OR13H1: variants seen among roughly 807,000 people sequenced by gnomAD.
OR13H1 encodes olfactory receptor family 13 subfamily H member 1.
OR13H1 carries 9 observed loss-of-function variants against 8.5 expected under a neutral mutation model. The observed-to-expected ratio is 1.06, with a 90% CI of 0.64 to 1.85. OR13H1 has a LOEUF of 1.85. OR13H1 is among the 40% of genes most tolerant of loss of function. The probability of loss-of-function intolerance (pLI) is 0.00; values close to 1 mark genes in which losing one functional copy is unlikely to be tolerated. For missense variants in OR13H1, 229 were observed against 231.8 expected (o/e 0.99, Z 0.08); for synonymous variants, 89 against 90.6 (o/e 0.98, Z 0.10).
rs1035083047 is a variant in OR13H1 at position 131,544,631 on chromosome X, G to A, written c.558G>A (p.Leu186=). The A allele has an allele frequency of 8.3e-7, 1 of 1,207,275 alleles. No individual in the cohort carries two copies. The highest frequency in any genetic ancestry group is 1.1e-6 in the Non-Finnish European group (1 of 891,632). Reference sequence around the variant, plus strand: ...GTGAGATTCTCTCCCTCATTAAGCTGACCTGTTCTGATACCAGCCTCAATG... The same window carrying A: ...GTGAGATTCTCTCCCTCATTAAGCTAACCTGTTCTGATACCAGCCTCAATG... ...FACEILSLIK[L]TCSDTSLNEF... is the part of the protein sequence containing the mutation. Residue 186 remains leucine, a synonymous_variant, in exon 1 of 1, where the codon CTG becomes CTA. Coordinates refer to ENST00000338616, the MANE Select transcript of OR13H1 (RefSeq NM_001004486.1).
chrX:131,544,780 C>T lies in OR13H1; in HGVS notation c.707C>T (p.Ala236Val). The change falls in exon 1 of 1, where the codon GCC (alanine) becomes GTC (valine). Residue 236 changes from alanine to valine, a missense_variant. By Grantham distance (64) the Ala-to-Val change is moderately conservative. Transcript: ENST00000338616. ...RIRSLQGRLK[A>V]FTTCGSHLTV... ...CGCTCACTCCAGGGCAGGCTCAAGG[C>T]CTTTACCACATGTGGCTCTCACCTG... is the stretch of plus-strand genomic sequence containing the variant. 1.7e-6 allele frequency: 2 copies of T among 1,209,274 alleles called. No homozygotes were observed. The highest frequency in any genetic ancestry group is 2.2e-5 in the Admixed American group (1 of 45,982).
rs747623960 is a variant in OR13H1, at chrX:131,544,122, A to G, written c.49A>G (p.Ile17Val). 2 of 1,199,082 alleles carry G rather than the reference A, an allele frequency of 1.7e-6. No individual in the cohort carries two copies. Among genetic ancestry groups the G allele is most frequent in the Middle Eastern group, 2.3e-4 (1 of 4,307 alleles). Residue 17 changes from isoleucine (I) to valine (V), a missense_variant, in exon 1 of 1, where the codon ATT becomes GTT. Physicochemically the swap from Ile to Val is conservative, Grantham distance 29 (BLOSUM62 3). Coordinates refer to ENST00000338616, the MANE Select transcript of OR13H1 (RefSeq NM_001004486.1). Reference sequence around the variant, plus strand: ...AGTGTTTCAGTTTCTCCTTATTGGCATTTCTAACTATCCTCAATGGAGAGA... The same window carrying G: ...AGTGTTTCAGTTTCTCCTTATTGGCGTTTCTAACTATCCTCAATGGAGAGA... ...TAVFQFLLIG[I>V]SNYPQWRDTF...
chrX:131,544,202 A>G lies in OR13H1; in HGVS notation c.129A>G (p.Gly43=), dbSNP rs1379321469. 1 of 1,208,628 alleles carries G rather than the reference A, an allele frequency of 8.3e-7. No individual in the cohort carries two copies. The highest frequency in any genetic ancestry group is 1.8e-5 in the South Asian group (1 of 56,890). ...IIYLSTLLGN[G]FMIFLIHFDP... ...ACCTCAGCACATTGTTGGGGAATGGATTTATGATCTTTCTTATTCACTTTG... is the reference window on the plus strand; with the variant it reads ...ACCTCAGCACATTGTTGGGGAATGGGTTTATGATCTTTCTTATTCACTTTG... The change falls in exon 1 of 1, where the codon GGA becomes GGG. Residue 43 remains glycine (G), a synonymous_variant. Coordinates refer to ENST00000338616, the MANE Select transcript of OR13H1 (RefSeq NM_001004486.1).
chrX:131,544,798 C>T lies in OR13H1; in HGVS notation c.725C>T (p.Ser242Phe). The T allele has an allele frequency of 1.7e-6, 2 of 1,210,479 alleles. No individual in the cohort carries two copies. The highest frequency in any genetic ancestry group is 2.2e-6 in the Non-Finnish European group (2 of 894,619). ...CTCAAGGCCTTTACCACATGTGGCTCTCACCTGACCGTGGTGACAATCTTC... is the reference window on the plus strand; with the variant it reads ...CTCAAGGCCTTTACCACATGTGGCTTTCACCTGACCGTGGTGACAATCTTC... ...GRLKAFTTCG[S>F]HLTVVTIFYG... The change falls in exon 1 of 1, where the codon TCT becomes TTT. Residue 242 changes from serine (S) to phenylalanine (F), a missense_variant. Transcript: ENST00000338616.
rs1928198315 is a variant in OR13H1, at chrX:131,544,315, C to T, written c.242C>T (p.Ala81Val). 1 of 1,207,069 alleles carries T rather than the reference C, an allele frequency of 8.3e-7. No individual in the cohort carries two copies. The highest frequency in any genetic ancestry group is 1.8e-5 in the African/African-American group (1 of 57,112). Reference protein sequence around the residue: ...LCYGTASMPQALVHCFSTHPY... With the variant: ...LCYGTASMPQVLVHCFSTHPY... ...TATGGAACAGCTTCCATGCCCCAGG[C>T]TTTGGTGCATTGTTTCTCTACCCAT... Residue 81 changes from alanine (A) to valine (V), a missense_variant, in exon 1 of 1, where the codon GCT (alanine) becomes GTT (valine). Physicochemically the swap from Ala to Val is moderately conservative, Grantham distance 64. Coordinates refer to ENST00000338616, the MANE Select transcript of OR13H1 (RefSeq NM_001004486.1).
In OR13H1 at chrX:131,544,679, T is replaced by C; in HGVS notation, c.606T>C (p.Ser202=). ...SLNEFMILIT[S]IFTLLLPFGF... is the part of the protein sequence containing the mutation. ...ATGAATTTATGATCCTCATCACCAG[T>C]ATCTTCACCCTGCTGCTACCATTTG... The change falls in exon 1 of 1, where the codon AGT becomes AGC. Residue 202 remains serine, a synonymous_variant. Coordinates refer to ENST00000338616, the MANE Select transcript of OR13H1 (RefSeq NM_001004486.1). 2.5e-6 allele frequency: 3 copies of C among 1,209,539 alleles called. No homozygotes were observed. The highest frequency in any genetic ancestry group is 2.3e-4 in the Middle Eastern group (1 of 4,347).
Position 131,544,941 on chromosome X carries a change from A to G in OR13H1, c.868A>G (p.Ser290Gly). The G allele has an allele frequency of 8.3e-7, 1 of 1,206,291 alleles. No individual in the cohort carries two copies. Among genetic ancestry groups the G allele is most frequent in the South Asian group, 1.8e-5 (1 of 55,379 alleles). ...ACCCATGTTGAACCCCCTGATATAT[A>G]GCCTGAGAAAAAAAGATGTTAAACG... is the stretch of plus-strand genomic sequence containing the variant. Reference protein sequence around the residue: ...LTPMLNPLIYSLRKKDVKRAI... With the variant: ...LTPMLNPLIYGLRKKDVKRAI... The change falls in exon 1 of 1, where the codon AGC becomes GGC. Residue 290 changes from serine (S) to glycine (G), a missense_variant. By Grantham distance (56) the Ser-to-Gly change is moderately conservative (BLOSUM62 0). Coordinates refer to ENST00000338616, the MANE Select transcript of OR13H1 (RefSeq NM_001004486.1).
rs1452197026 is a variant in OR13H1, at chrX:131,544,139, A to G, written c.66A>G (p.Gln22=). ...FLLIGISNYP[Q]WRDTFFTLVL... ...TTATTGGCATTTCTAACTATCCTCA[A>G]TGGAGAGACACGTTTTTCACATTAG... The change falls in exon 1 of 1, where the codon CAA becomes CAG. Residue 22 remains glutamine, a synonymous_variant. Coordinates refer to ENST00000338616, the MANE Select transcript of OR13H1 (RefSeq NM_001004486.1). 8.3e-7 allele frequency: 1 copy of G among 1,202,092 alleles called. No individual in the cohort carries two copies. The highest frequency in any genetic ancestry group is 1.8e-5 in the South Asian group (1 of 56,462).
chrX:131,544,162 T>G lies in OR13H1; in HGVS notation c.89T>G (p.Leu30Ter). 7 of 1,202,626 alleles carry G rather than the reference T, an allele frequency of 5.8e-6. No individual in the cohort carries two copies. Among genetic ancestry groups the G allele is most frequent in the Non-Finnish European group, 7.9e-6 (7 of 887,003 alleles). Reference sequence around the variant, plus strand: ...CAATGGAGAGACACGTTTTTCACATTAGTGCTGATAATTTACCTCAGCACA... The same window carrying G: ...CAATGGAGAGACACGTTTTTCACATGAGTGCTGATAATTTACCTCAGCACA... ...YPQWRDTFFT[L>*]VLIIYLSTLL... Residue 30 changes from leucine (L) to a stop codon, truncating the protein, a stop_gained, in exon 1 of 1, where the codon TTA becomes TGA. Transcript: ENST00000338616. LOFTEE classifies it high-confidence loss of function.
At position 131,544,767 on chromosome X, in the gene OR13H1, G is replaced by A. The variant is rs747045218; in HGVS notation, c.694G>A (p.Gly232Ser). ...TATCATAAGGATTCGCTCACTCCAG[G>A]GCAGGCTCAAGGCCTTTACCACATG... ...MAIIRIRSLQ[G>S]RLKAFTTCGS... The change falls in exon 1 of 1, where the codon GGC becomes AGC. Residue 232 changes from glycine to serine, a missense_variant. By Grantham distance (56) the Gly-to-Ser change is moderately conservative. Transcript: ENST00000338616. 2.5e-6 allele frequency: 3 copies of A among 1,210,119 alleles called. No individual in the cohort carries two copies. Among genetic ancestry groups the A allele is most frequent in the South Asian group, 1.8e-5 (1 of 56,876 alleles).
In OR13H1 at chrX:131,544,433, T is replaced by C. The variant is rs376648153; in HGVS notation, c.360T>C (p.Tyr120=). The C allele has an allele frequency of 8.3e-7, 1 of 1,211,587 alleles. No individual in the cohort carries two copies. The change falls in exon 1 of 1, where the codon TAT becomes TAC. Residue 120 remains tyrosine, a synonymous_variant. Transcript: ENST00000338616. Reference sequence around the variant, plus strand: ...GCCTCCTACTGGCTGCCATGGCCTATGACCGTGTGGTTGCTATCAGCAATC... The same window carrying C: ...GCCTCCTACTGGCTGCCATGGCCTACGACCGTGTGGTTGCTATCAGCAATC... ...AECLLLAAMA[Y]DRVVAISNPL...
chrX:131,544,692 C>T lies in OR13H1; in HGVS notation c.619C>T (p.Leu207=). 1 of 1,209,984 alleles carries T rather than the reference C, an allele frequency of 8.3e-7. No homozygotes were observed. The highest frequency in any genetic ancestry group is 1.1e-6 in the Non-Finnish European group (1 of 893,853). ...CCTCATCACCAGTATCTTCACCCTG[C>T]TGCTACCATTTGGGTTTGTTCTCCT... is the stretch of plus-strand genomic sequence containing the variant. ...MILITSIFTL[L]LPFGFVLLSY... is the part of the protein sequence containing the mutation. The change falls in exon 1 of 1, where the codon CTG becomes TTG. Residue 207 remains leucine, a synonymous_variant. Transcript: ENST00000338616.
At position 131,544,710 on chromosome X, in the gene OR13H1, G is replaced by A. The variant is rs960397078; in HGVS notation, c.637G>A (p.Val213Ile). 1 of 1,210,981 alleles carries A rather than the reference G, an allele frequency of 8.3e-7. No homozygotes were observed. The highest frequency in any genetic ancestry group is 1.8e-5 in the South Asian group (1 of 56,973). The change falls in exon 1 of 1, where the codon GTT becomes ATT. Residue 213 changes from valine to isoleucine, a missense_variant. Coordinates refer to ENST00000338616, the MANE Select transcript of OR13H1 (RefSeq NM_001004486.1). The stretch of plus-strand genomic sequence containing the variant: ...CACCCTGCTGCTACCATTTGGGTTT[G>A]TTCTCCTCTCCTACATACGAATTGC... ...IFTLLLPFGF[V>I]LLSYIRIAMA...
In OR13H1 at chrX:131,544,394, G is replaced by A; in HGVS notation, c.321G>A (p.Leu107=). The A allele has an allele frequency of 8.3e-7, 1 of 1,210,669 alleles. No homozygotes were observed. The highest frequency in any genetic ancestry group is 1.1e-6 in the Non-Finnish European group (1 of 894,819). Residue 107 remains leucine, a synonymous_variant, in exon 1 of 1, where the codon TTG becomes TTA. Transcript: ENST00000338616. ...CTCAAACGAGTGTCTCCTTGGCTTT[G>A]GCCACAGCAGAGTGCCTCCTACTGG... The part of the protein sequence containing the change: ...CLAQTSVSLA[L]ATAECLLLAA...
In OR13H1 at chrX:131,544,308, C is replaced by G. The variant is rs747560114; in HGVS notation, c.235C>G (p.Pro79Ala). 1 of 1,208,714 alleles carries G rather than the reference C, an allele frequency of 8.3e-7. No homozygotes were observed. The highest frequency in any genetic ancestry group is 3.0e-5 in the East Asian group (1 of 33,825). ...LDLCYGTASM[P>A]QALVHCFSTH... is the part of the protein sequence containing the mutation. ...CCTTTGTTATGGAACAGCTTCCATG[C>G]CCCAGGCTTTGGTGCATTGTTTCTC... Residue 79 changes from proline (P) to alanine (A), a missense_variant, in exon 1 of 1, where the codon CCC (proline) becomes GCC (alanine). Coordinates refer to ENST00000338616, the MANE Select transcript of OR13H1 (RefSeq NM_001004486.1).
At position 131,544,268 on chromosome X, in the gene OR13H1, C is replaced by A. The variant is rs752270483; in HGVS notation, c.195C>A (p.Asn65Lys). The A allele has an allele frequency of 6.3e-5, 76 of 1,209,819 alleles. No individual in the cohort carries two copies. Among genetic ancestry groups the A allele is most frequent in the Non-Finnish European group, 8.2e-5 (73 of 893,552 alleles). ...LHTPIYFFLS[N>K]LSFLDLCYGT... ...CTCCAATCTACTTCTTCCTTAGTAA[C>A]CTGTCTTTCTTAGACCTTTGTTATG... The change falls in exon 1 of 1, where the codon AAC becomes AAA. Residue 65 changes from asparagine to lysine, a missense_variant. Coordinates refer to ENST00000338616, the MANE Select transcript of OR13H1 (RefSeq NM_001004486.1).
In OR13H1 at chrX:131,544,281, G is replaced by T. The variant is rs1928196574; in HGVS notation, c.208G>T (p.Asp70Tyr). Residue 70 changes from aspartate to tyrosine, a missense_variant, in exon 1 of 1, where the codon GAC (aspartate) becomes TAC (tyrosine). By Grantham distance (160) the Asp-to-Tyr change is radical. Transcript: ENST00000338616. Reference protein sequence around the residue: ...YFFLSNLSFLDLCYGTASMPQ... With the variant: ...YFFLSNLSFLYLCYGTASMPQ... ...CTTCCTTAGTAACCTGTCTTTCTTA[G>T]ACCTTTGTTATGGAACAGCTTCCAT... The T allele has an allele frequency of 8.3e-7, 1 of 1,207,540 alleles. No individual in the cohort carries two copies. The highest frequency in any genetic ancestry group is 1.1e-6 in the Non-Finnish European group (1 of 893,021).
chrX:131,544,211 CT>C lies in OR13H1; in HGVS notation c.141del (p.Ile49PhefsTer21), dbSNP rs751484325. The C allele has an allele frequency of 7.9e-4, 956 of 1,208,003 alleles. No individual in the cohort carries two copies. Among genetic ancestry groups the C allele is most frequent in the Admixed American group, 1.4e-3 (63 of 45,774 alleles). On this transcript the variant is annotated frameshift_variant, in exon 1 of 1. Coordinates refer to ENST00000338616, the MANE Select transcript of OR13H1 (RefSeq NM_001004486.1). LOFTEE classifies it high-confidence loss of function. ...STLLGNGFMI[F>X]LIHFDPNLHT... ...CATTGTTGGGGAATGGATTTATGAT[CT>C]TTCTTATTCACTTTGACCCCAACCT...
In OR13H1 at chrX:131,544,133, T is replaced by C; in HGVS notation, c.60T>C (p.Tyr20=). 1 of 1,201,443 alleles carries C rather than the reference T, an allele frequency of 8.3e-7. No individual in the cohort carries two copies. Among genetic ancestry groups the C allele is most frequent in the Admixed American group, 2.2e-5 (1 of 45,847 alleles). ...TTCTCCTTATTGGCATTTCTAACTA[T>C]CCTCAATGGAGAGACACGTTTTTCA... ...FQFLLIGISN[Y]PQWRDTFFTL... The change falls in exon 1 of 1, where the codon TAT becomes TAC. Residue 20 remains tyrosine, a synonymous_variant. Transcript: ENST00000338616.
Sources: gnomAD v4.1 joint callset for allele counts on GRCh38, gnomAD v4.1.1 for gene constraint, MANE v1.5 for transcripts, NCBI Gene and HGNC (gene_info 2026-07-23, HGNC 2026-07-21) for gene names.